Variants in CDH10 observed in about 807,000 individuals in gnomAD.
CDH10 encodes the protein cadherin-10.
Under a neutral mutation model 73.1 loss-of-function variants are expected in CDH10, and 30 were observed. The observed-to-expected ratio is 0.41, with a 90% CI of 0.31 to 0.56. The LOEUF is 0.56. CDH10 is among the 20% of genes least tolerant of loss of function. The pLI, the probability that CDH10 is intolerant of heterozygous loss-of-function variation, is 0.27. For missense variants in CDH10, 815 were observed against 973.7 expected (o/e 0.84, Z 2.17); for synonymous variants, 345 against 348.2 (o/e 0.99, Z 0.10).
intron 11 of CDH10, among the ~76,000 whole-genome samples, chr5:24,488,604 C>A (rs1741931277): frequency 6.6e-6 from 1 of 151,884 alleles, no homozygotes; most frequent in African/African-American, 2.4e-5. Flanking sequence ...TACACAATAG[C>A]AAAAAGCAAC....
At chr5:24,502,443 C>A (rs566691492) in intron 8 of CDH10, among the ~76,000 whole-genome samples, 1 of 152,132 alleles carries the variant, frequency 6.6e-6, no homozygotes, top group African/African-American at 2.4e-5. Flanking sequence ...GTATGACACA[C>A]TGACTGTAAA....
chr5:24,602,969 C>T (rs926989588), intron 1 of CDH10, among the ~76,000 whole-genome samples: 1 of 152,116 alleles, frequency 6.6e-6, no homozygotes, highest in African/African-American at 2.4e-5. Context: ...TGTTTATTCA[C>T]CTTTTTCAAG....
intron 1 of CDH10, among the ~76,000 whole-genome samples, chr5:24,625,410 A>G (rs1230924014): frequency 1.3e-5 from 2 of 151,894 alleles, no homozygotes; most frequent in African/African-American, 4.8e-5. Flanking sequence ...GGCCAAGGTG[A>G]AATTTCCAAA....
At chr5:24,517,232 A>G (rs566252561) in intron 5 of CDH10, among the ~76,000 whole-genome samples, 2 of 152,314 alleles carry the variant, frequency 1.3e-5, no homozygotes, top group South Asian at 4.1e-4. Context: ...TTTGTGAAGT[A>G]GTCGCACATT....
chr5:24,632,978 T>C (rs1194648814), intron 1 of CDH10, among the ~76,000 whole-genome samples: 2 of 151,798 alleles, frequency 1.3e-5, no homozygotes, highest in Non-Finnish European at 2.9e-5. Flanking sequence ...GATTGATAAA[T>C]AGATACCACT....
chr5:24,600,982 T>A lies in CDH10; in HGVS notation c.-123-7369A>T, dbSNP rs563791248. 2.6e-5 allele frequency among the ~76,000 whole-genome samples: 4 copies of A among 151,300 alleles called. No homozygotes were observed. In the South Asian group the frequency reaches 8.4e-4, roughly 32 times the overall value. ...GCCCTAGGCAGTTTGTATATGTGGC[T>A]TTTTTTTTCTTAAAAAAATAAAAGA... is the stretch of plus-strand genomic sequence containing the variant. On this transcript the variant is annotated intron_variant, in intron 1 of 11. Transcript: ENST00000264463.
chr5:24,634,404 T>C (rs1747804246), intron 1 of CDH10, among the ~76,000 whole-genome samples: 1 of 151,814 alleles, frequency 6.6e-6, no homozygotes, highest in Non-Finnish European at 1.5e-5. Context: ...ATTTAGATGA[T>C]CAATTATACT....
chr5:24,642,716 C>A (rs926950918), intron 1 of CDH10, among the ~76,000 whole-genome samples: 3 of 152,004 alleles, frequency 2.0e-5, no homozygotes, highest in Non-Finnish European at 4.4e-5. Context: ...ACAATTTAAC[C>A]ATTGACTTCA....
intron 5 of CDH10, among the ~76,000 whole-genome samples, chr5:24,516,345 T>C (rs1743107847): frequency 6.6e-6 from 1 of 152,140 alleles, no homozygotes; most frequent in African/African-American, 2.4e-5. Flanking sequence ...AATTAATACA[T>C]ATCTTGGTGA....
chr5:24,609,060 A>G (rs1746856331), intron 1 of CDH10, among the ~76,000 whole-genome samples: 1 of 152,238 alleles, frequency 6.6e-6, no homozygotes, highest in African/African-American at 2.4e-5. Flanking sequence ...GTGGATTTGC[A>G]GAATCAGTGC....
At chr5:24,489,718 A>G (rs2111623695) in intron 11 of CDH10, among the ~76,000 whole-genome samples, 1 of 152,264 alleles carries the variant, frequency 6.6e-6, no homozygotes, top group South Asian at 2.1e-4. Context: ...GCTTAATCTG[A>G]TTTTAATTCA....
At chr5:24,586,005 A>G (rs771709476) in intron 2 of CDH10, among the ~76,000 whole-genome samples, 1 of 152,260 alleles carries the variant, frequency 6.6e-6, no homozygotes, top group Middle Eastern at 3.4e-3. Context: ...CGTCTTGCAC[A>G]TTTTTTGGGG....
At chr5:24,580,101 C>A (rs964237969) in intron 2 of CDH10, among the ~76,000 whole-genome samples, 10 of 152,116 alleles carry the variant, frequency 6.6e-5, no homozygotes, top group Non-Finnish European at 1.5e-4. Context: ...TGAGAAATTT[C>A]TGTTGTATCA....
Position 24,530,146 on chromosome 5 carries a change from C to CT in CDH10, c.814+4965dup, listed in dbSNP as rs141819077. On this transcript the variant is annotated intron_variant, in intron 5 of 11. Coordinates refer to ENST00000264463, the MANE Select transcript of CDH10 (RefSeq NM_006727.5). ...AGGTCTTGACCTTCTTCTCTGGTGC[C>CT]TTTTTTTTTTCCTTGAATAGATTTG... is the stretch of plus-strand genomic sequence containing the variant. Among the ~76,000 whole-genome samples, 358 of 144,884 alleles carry CT rather than the reference C, an allele frequency of 2.5e-3. 1 individual carries two copies. Among genetic ancestry groups the CT allele is most frequent in the African/African-American group, 7.8e-3 (311 of 39,674 alleles).
At chr5:24,514,171 A>T (rs921294893) in intron 5 of CDH10, among the ~76,000 whole-genome samples, 2 of 152,136 alleles carry the variant, frequency 1.3e-5, no homozygotes, top group African/African-American at 4.8e-5. Context: ...GGCCAAATCA[A>T]ATCAATTCAC....
chr5:24,597,872 A>G (rs1051967396), intron 1 of CDH10, among the ~76,000 whole-genome samples: 1 of 151,862 alleles, frequency 6.6e-6, no homozygotes, highest in African/African-American at 2.4e-5. Context: ...TTCTTGGCTA[A>G]TAAAAGGAAT....
At chr5:24,526,729 T>C (rs1702955540) in intron 5 of CDH10, among the ~76,000 whole-genome samples, 1 of 151,930 alleles carries the variant, frequency 6.6e-6, no homozygotes, top group Non-Finnish European at 1.5e-5. Flanking sequence ...TATCCAGCAA[T>C]GTGCTTCATT....
chr5:24,577,772 C>T (rs914242981), intron 2 of CDH10, among the ~76,000 whole-genome samples: 1 of 152,114 alleles, frequency 6.6e-6, no homozygotes, highest in Non-Finnish European at 1.5e-5. Context: ...CCATGCTCCT[C>T]TCATATATGT....
rs6883211 is a variant in CDH10 at position 24,515,051 on chromosome 5, T to A, written c.815-3537A>T. ...ACCATGCCACAATTAAGTTAAAGGT[T>A]AACACAGAAAAGATAAACTCAAATC... On this transcript the variant is annotated intron_variant, in intron 5 of 11. Coordinates refer to ENST00000264463, the MANE Select transcript of CDH10 (RefSeq NM_006727.5). Among the ~76,000 whole-genome samples the A allele has an allele frequency of 3.8e-3, 571 of 152,248 alleles. 6 individuals carry two copies. Among genetic ancestry groups the A allele is most frequent in the African/African-American group, 0.013 (522 of 41,568 alleles).
Sources: allele counts gnomAD v4.1 joint callset (sites outside exome capture counted in the v4.1 genomes callset), GRCh38; gene constraint gnomAD v4.1.1; transcripts MANE v1.5; gene names NCBI Gene and HGNC (gene_info 2026-07-23, HGNC 2026-07-21).